The following TAF4B variants were observed in gnomAD, a reference collection of about 807,000 sequenced individuals.
The protein encoded by TAF4B is transcription initiation factor TFIID subunit 4B.
TAF4B carries 38 observed loss-of-function variants against 86.4 expected under a neutral mutation model. That is an observed-to-expected ratio of 0.44 (90% CI 0.34 to 0.58). The LOEUF (loss-of-function observed/expected upper bound fraction) is 0.58, where lower values mean the gene tolerates loss of function less well. Among genes scored for constraint, TAF4B ranks in the 20% least tolerant of loss-of-function variants. The probability of loss-of-function intolerance (pLI) is 0.02; values close to 1 mark genes in which losing one functional copy is unlikely to be tolerated. For missense variants in TAF4B, 988 were observed against 1,027.6 expected, an observed-to-expected ratio of 0.96 and a Z score of 0.53; for synonymous variants, 388 against 391.2, an observed-to-expected ratio of 0.99 and a Z score of 0.10.
chr18:26,320,531 A>G (rs2056953052), intron 10 of TAF4B, among the ~76,000 whole-genome samples: 1 of 152,204 alleles, frequency 6.6e-6, no homozygotes, highest in Non-Finnish European at 1.5e-5. Flanking sequence ...TTGTAAATTG[A>G]CTACTAAGTG....
At chr18:26,346,540 C>A (rs1402739478) in intron 13 of TAF4B, among the ~76,000 whole-genome samples, 1 of 151,536 alleles carries the variant, frequency 6.6e-6, no homozygotes, top group Non-Finnish European at 1.5e-5. Flanking sequence ...AACAAGTCCT[C>A]TCCTAGGCAC....
chr18:26,272,077 A>G (rs1248960482), intron 3 of TAF4B, among the ~76,000 whole-genome samples: 1 of 151,622 alleles, frequency 6.6e-6, no homozygotes, highest in South Asian at 2.1e-4. Flanking sequence ...CAGGAACAGG[A>G]GAGGCCAGGC....
Position 26,352,617 on chromosome 18 carries a change from C to T in TAF4B, c.2317-5073C>T, listed in dbSNP as rs568946403. 4.6e-5 allele frequency among the ~76,000 whole-genome samples: 7 copies of T among 152,252 alleles called. No individual in the cohort carries two copies. In the East Asian group the frequency reaches 1.2e-3, roughly 25 times the overall value. ...AGATCTCAGCTCACTGCAACCTCTG[C>T]CTCTTGGACTCATGGGATCTTACCC... is the stretch of plus-strand genomic sequence containing the variant. On this transcript the variant is annotated intron_variant, in intron 13 of 14. Coordinates refer to ENST00000269142, the MANE Select transcript of TAF4B (RefSeq NM_005640.3).
In TAF4B at chr18:26,293,529, C is replaced by T. The variant is rs1259817181; in HGVS notation, c.1830C>T (p.Phe610=). The T allele has an allele frequency of 1.9e-6, 3 of 1,544,176 alleles. No homozygotes were observed. The highest frequency in any genetic ancestry group is 2.4e-5 in the Admixed American group (1 of 42,210). Residue 610 remains phenylalanine (F), a splice_region_variant and synonymous_variant, in exon 9 of 15, where the codon TTC becomes TTT. Transcript: ENST00000269142. The part of the protein sequence containing the change: ...NRIKENVTSC[F]RDEDDINDVT... ...TAAAAGAGAATGTAACATCATGCTT[C>T]CGGTAAGAAAATAAATAGTTAAATT...
intron 10 of TAF4B, 37 bp downstream of exon 10, chr18:26,315,435 T>A (rs1362976508): frequency 6.7e-7 from 1 of 1,486,304 alleles, no homozygotes; most frequent in East Asian, 2.3e-5. Flanking sequence ...CTGATAGAGA[T>A]GTCTGTTTGA....
At chr18:26,255,290 C>CACTG (rs1314204895) in intron 1 of TAF4B, among the ~76,000 whole-genome samples, 3 of 148,698 alleles carry the variant, frequency 2.0e-5, no homozygotes, top group Admixed American at 6.7e-5. Context: ...GTAAGTTAGA[C>CACTG]ACTGGCTTCA....
chr18:26,343,195 A>G (rs946043921), intron 13 of TAF4B, among the ~76,000 whole-genome samples: 4 of 152,142 alleles, frequency 2.6e-5, no homozygotes, highest in Non-Finnish European at 5.9e-5. Context: ...CCTGGATGCA[A>G]TCACAGACGT....
chr18:26,387,451 A>T (rs1319828534), intron 14 of TAF4B, among the ~76,000 whole-genome samples: 1 of 152,102 alleles, frequency 6.6e-6, no homozygotes, highest in African/African-American at 2.4e-5. Flanking sequence ...AACAAAACTG[A>T]GCTTTTGGTC....
intron 3 of TAF4B, among the ~76,000 whole-genome samples, chr18:26,272,198 G>C (rs536668480): frequency 3.3e-5 from 5 of 152,230 alleles, no homozygotes; most frequent in African/African-American, 7.2e-5. Context: ...TTCCGGTTGC[G>C]TCTATCAAGA....
intron 1 of TAF4B, among the ~76,000 whole-genome samples, chr18:26,254,138 G>T (rs1333366498): frequency 6.6e-6 from 1 of 151,634 alleles, no homozygotes; most frequent in African/African-American, 2.4e-5. Flanking sequence ...ATGTTGGCCA[G>T]ACTGGTCTCG....
At chr18:26,370,855 A>G (rs1027220984) in intron 14 of TAF4B, among the ~76,000 whole-genome samples, 1 of 152,224 alleles carries the variant, frequency 6.6e-6, no homozygotes, top group Non-Finnish European at 1.5e-5. Flanking sequence ...TTAAAGCTAG[A>G]TCAGAAGGTG....
At chr18:26,261,358 GC>G (rs2056164628) in intron 1 of TAF4B, among the ~76,000 whole-genome samples, 1 of 151,182 alleles carries the variant, frequency 6.6e-6, no homozygotes, top group African/African-American at 2.4e-5. Flanking sequence ...CCGCCACTAC[GC>G]CCGGCTAATT....
At chr18:26,262,100 A>C (rs2056176697) in intron 1 of TAF4B, among the ~76,000 whole-genome samples, 1 of 152,042 alleles carries the variant, frequency 6.6e-6, no homozygotes, top group Admixed American at 6.5e-5. Context: ...GCTCTCCTTG[A>C]AGTACAGATT....
At chr18:26,281,162 G>A (rs2056444087) in intron 5 of TAF4B, among the ~76,000 whole-genome samples, 1 of 152,152 alleles carries the variant, frequency 6.6e-6, no homozygotes, top group Admixed American at 6.5e-5. Flanking sequence ...GAGGGGTTGT[G>A]TGGGCTGAAA....
intron 10 of TAF4B, among the ~76,000 whole-genome samples, chr18:26,316,384 C>T (rs2056911996): frequency 6.6e-6 from 1 of 151,724 alleles, no homozygotes; most frequent in Non-Finnish European, 1.5e-5. Flanking sequence ...TTTTCTTCTT[C>T]TTCTTCTTTT....
chr18:26,351,163 C>T (rs575214004), intron 13 of TAF4B, among the ~76,000 whole-genome samples: 22 of 152,126 alleles, frequency 1.4e-4, no homozygotes, highest in South Asian at 8.3e-4. Flanking sequence ...GCTATATATA[C>T]ACAGTGGAAT....
At chr18:26,315,471 C>A in intron 10 of TAF4B, 73 bp downstream of exon 10, 2 of 1,258,648 alleles carry the variant, frequency 1.6e-6, no homozygotes, top group Non-Finnish European at 1.1e-6. Context: ...AAAGAGACAA[C>A]CTGGGTTGGT....
intron 1 of TAF4B, among the ~76,000 whole-genome samples, chr18:26,247,219 T>C (rs2055939724): frequency 6.6e-6 from 1 of 152,216 alleles, no homozygotes; most frequent in Admixed American, 6.5e-5. Flanking sequence ...TAATACCTTC[T>C]GAAAAATATC....
chr18:26,323,427 G>GAACT lies in TAF4B; in HGVS notation c.2133+2228_2133+2231dup, dbSNP rs1243375887. Among the ~76,000 whole-genome samples the GAACT allele has an allele frequency of 4.6e-5, 7 of 151,994 alleles. No homozygotes were observed. The East Asian group carries it at 1.4e-3, about 29-fold the overall frequency. On this transcript the variant is annotated intron_variant, in intron 11 of 14. Transcript: ENST00000269142. Reference sequence around the variant, plus strand: ...TGCAATCATAGCTCATTGCAACCTTGAACTCCTGGACTCAAGCACCCTCCC... The same window carrying GAACT: ...TGCAATCATAGCTCATTGCAACCTTGAACTAACTCCTGGACTCAAGCACCCTCCC...
Sources: gnomAD v4.1 joint callset for allele counts (sites outside exome capture counted in the v4.1 genomes callset) on GRCh38, gnomAD v4.1.1 for gene constraint, MANE v1.5 for transcripts, NCBI Gene and HGNC (gene_info 2026-07-23, HGNC 2026-07-21) for gene names.